COPG2: variants seen among roughly 807,000 people sequenced by gnomAD.
The protein encoded by COPG2 is coat protein complex I subunit gamma 2.
Under a neutral mutation model 46.3 loss-of-function variants are expected in COPG2, and 37 were observed. That is an observed-to-expected ratio of 0.80 (90% CI 0.61 to 1.05). The LOEUF (loss-of-function observed/expected upper bound fraction) is 1.05, where lower values mean the gene tolerates loss of function less well. COPG2 is among the 50% of genes least tolerant of loss of function. The pLI is 0.00. For synonymous variants in COPG2, 159 were observed against 129.7 expected (o/e 1.23, Z -1.53); for missense variants, 427 against 387.8 (o/e 1.10, Z -0.85).
intron 9 of COPG2, among the ~76,000 whole-genome samples, chr7:130,564,904 G>A (rs1793778201): frequency 6.6e-6 from 1 of 152,144 alleles, no homozygotes; most frequent in African/African-American, 2.4e-5. Context: ...AGCTCATTCA[G>A]CATGAAAAGC....
chr7:130,535,228 A>C (rs1231179180), intron 20 of COPG2, among the ~76,000 whole-genome samples: 5 of 152,114 alleles, frequency 3.3e-5, no homozygotes, highest in African/African-American at 1.2e-4. Context: ...TGGCCAAGGA[A>C]GCAAAGAGAA....
At chr7:130,524,334 T>C (rs1393728858) in intron 20 of COPG2, among the ~76,000 whole-genome samples, 41 of 152,046 alleles carry the variant, frequency 2.7e-4, no homozygotes, top group African/African-American at 8.7e-4. Flanking sequence ...AATCACAGAT[T>C]GTGCTGAAAA....
chr7:130,522,317 T>C, intron 20 of COPG2, among the ~76,000 whole-genome samples: 1 of 152,240 alleles, frequency 6.6e-6, no homozygotes, highest in East Asian at 1.9e-4. Context: ...GAAAATACTA[T>C]AGTACAGTAA....
intron 5 of COPG2, among the ~76,000 whole-genome samples, chr7:130,631,720 T>C (rs1218239206): frequency 7.5e-6 from 1 of 133,038 alleles, no homozygotes; most frequent in Non-Finnish European, 1.6e-5. Context: ...TTATTTTACA[T>C]ATGTTATAAA....
At chr7:130,538,721 T>C in intron 20 of COPG2, among the ~76,000 whole-genome samples, 1 of 151,988 alleles carries the variant, frequency 6.6e-6, no homozygotes, top group Non-Finnish European at 1.5e-5. Flanking sequence ...GAGTCTAGTA[T>C]GTGGGCAGAA....
At chr7:130,665,585 GGTATT>G (rs1245389426) in intron 3 of COPG2, among the ~76,000 whole-genome samples, 1 of 152,032 alleles carries the variant, frequency 6.6e-6, no homozygotes, top group African/African-American at 2.4e-5. Context: ...CATTGCACCA[GGTATT>G]GTAATCTAGA....
intron 5 of COPG2, among the ~76,000 whole-genome samples, chr7:130,646,180 G>A (rs116853548): frequency 1.3e-5 from 2 of 152,290 alleles, no homozygotes; most frequent in East Asian, 3.9e-4. Context: ...AATTTTATCA[G>A]TCAGAATTGG....
At chr7:130,598,168 T>C (rs1554449938) in intron 9 of COPG2, among the ~76,000 whole-genome samples, 1 of 152,138 alleles carries the variant, frequency 6.6e-6, no homozygotes, top group African/African-American at 2.4e-5. Flanking sequence ...TGTATCCCTC[T>C]GCACACTGAC....
rs985453168 is a variant in COPG2 at position 130,525,724 on chromosome 7, A to C, written c.2150-17065T>G. Among the ~76,000 whole-genome samples the C allele has an allele frequency of 6.4e-3, 970 of 152,302 alleles. 8 individuals carry two copies. Among genetic ancestry groups the C allele is most frequent in the African/African-American group, 0.022 (917 of 41,562 alleles). ...AAACACAGTGGGTCTCGTAGTTGTA[A>C]TGGGAGTTTAGATCAGTATCAGCTG... On this transcript the variant is annotated intron_variant, in intron 20 of 23. Coordinates refer to ENST00000425248, the MANE Select transcript of COPG2 (RefSeq NM_012133.6).
At chr7:130,531,713 A>T (rs923358052) in intron 20 of COPG2, among the ~76,000 whole-genome samples, 4 of 152,056 alleles carry the variant, frequency 2.6e-5, no homozygotes, top group Admixed American at 1.3e-4. Context: ...GAGATATTTG[A>T]TTAAGAAGTT....
At position 130,583,386 on chromosome 7, in the gene COPG2, A is replaced by T. The variant is rs1266748306; in HGVS notation, c.738-18993T>A. Reference sequence around the variant, plus strand: ...GGGGAGGGATAGCATTGGGAGATATACCTAATGCTAGATGACGAGTTAGTG... The same window carrying T: ...GGGGAGGGATAGCATTGGGAGATATTCCTAATGCTAGATGACGAGTTAGTG... On this transcript the variant is annotated intron_variant, in intron 9 of 23. Transcript: ENST00000425248. 4.7e-5 allele frequency among the ~76,000 whole-genome samples: 7 copies of T among 150,314 alleles called. No homozygotes were observed. The East Asian group carries it at 1.2e-3, about 25-fold the overall frequency.
chr7:130,658,615 C>T (rs1464007125), intron 4 of COPG2, among the ~76,000 whole-genome samples: 1 of 151,732 alleles, frequency 6.6e-6, no homozygotes. Context: ...ATTTACAAAA[C>T]ATCTGTCTGA....
chr7:130,620,022 AT>A (rs782731674), intron 5 of COPG2, among the ~76,000 whole-genome samples: 2 of 152,314 alleles, frequency 1.3e-5, no homozygotes, highest in Non-Finnish European at 2.9e-5. Flanking sequence ...GGTGTCAGTC[AT>A]TCTGTTACAA....
intron 1 of COPG2, among the ~76,000 whole-genome samples, chr7:130,668,064 G>T (rs556879620): frequency 9.7e-4 from 148 of 152,226 alleles, no homozygotes; most frequent in African/African-American, 3.2e-3. Flanking sequence ...CATTTGCTCT[G>T]GACCAAAGAC....
At chr7:130,567,760 G>A (rs1793827766) in intron 9 of COPG2, among the ~76,000 whole-genome samples, 1 of 152,126 alleles carries the variant, frequency 6.6e-6, no homozygotes, top group Admixed American at 6.5e-5. Flanking sequence ...ATAAACAGAT[G>A]CTGAGAGAAT....
At chr7:130,548,813 G>A (rs1793486784) in intron 18 of COPG2, among the ~76,000 whole-genome samples, 1 of 152,012 alleles carries the variant, frequency 6.6e-6, no homozygotes, top group East Asian at 1.9e-4. Context: ...AGCTACTCGG[G>A]AGGCTGAGGC....
rs928149592 is a variant in COPG2 at position 130,548,562 on chromosome 7, T to C, written c.1838-20A>G. The C allele has an allele frequency of 5.0e-6, 2 of 398,366 alleles. No homozygotes were observed. The highest frequency in any genetic ancestry group is 3.6e-5 in the East Asian group (1 of 28,082). The allele number at this position is 398,366 out of a possible 1,614,324, so 24.7% of individuals were successfully genotyped here. ...ATTGTTCTATCAAGAAAAAAGAACG[T>C]AGGCTATGAAGAAGACAGGGAAAGA... On this transcript the variant is annotated intron_variant, in intron 18 of 23. Coordinates refer to ENST00000425248, the MANE Select transcript of COPG2 (RefSeq NM_012133.6).
chr7:130,586,313 G>T (rs548795757), intron 9 of COPG2, among the ~76,000 whole-genome samples: 2 of 152,004 alleles, frequency 1.3e-5, no homozygotes, highest in Admixed American at 6.6e-5. Context: ...TTGGGACTTG[G>T]GGGGAGAGTG....
At chr7:130,515,653 G>A (rs1274866145) in intron 20 of COPG2, among the ~76,000 whole-genome samples, 1 of 152,082 alleles carries the variant, frequency 6.6e-6, no homozygotes, top group Non-Finnish European at 1.5e-5. Flanking sequence ...TTGTGTTAGG[G>A]TCAGCTGAAA....
Sources: gnomAD v4.1 joint callset for allele counts (sites outside exome capture counted in the v4.1 genomes callset) on GRCh38, gnomAD v4.1.1 for gene constraint, MANE v1.5 for transcripts, NCBI Gene and HGNC (gene_info 2026-07-23, HGNC 2026-07-21) for gene names.